ADCY2: variants seen among roughly 807,000 people sequenced by gnomAD.
The protein encoded by ADCY2 is adenylate cyclase type 2.
Under a neutral mutation model 125.2 loss-of-function variants are expected in ADCY2, and 31 were observed. The observed-to-expected ratio is 0.25, with a 90% CI of 0.19 to 0.33. The LOEUF (loss-of-function observed/expected upper bound fraction) is 0.33. Ranked by LOEUF, ADCY2 falls within the 10% of genes least tolerant of loss-of-function variation. The probability of loss-of-function intolerance (pLI) is 1.00; values close to 1 mark genes in which losing one functional copy is unlikely to be tolerated. For missense variants in ADCY2, 904 were observed against 1,418.2 expected (o/e 0.64, Z 5.82); for synonymous variants, 512 against 548.4 (o/e 0.93, Z 0.93).
intron 4 of ADCY2, among the ~76,000 whole-genome samples, chr5:7,653,834 G>A (rs1739187697): frequency 6.6e-6 from 1 of 152,028 alleles, no homozygotes; most frequent in Admixed American, 6.5e-5. Context: ...ATATTATTAT[G>A]TGGGTATTTC....
At chr5:7,535,628 C>T (rs1199713243) in intron 3 of ADCY2, among the ~76,000 whole-genome samples, 3 of 152,178 alleles carry the variant, frequency 2.0e-5, no homozygotes, top group Admixed American at 2.0e-4. Flanking sequence ...TTGTTTTCTT[C>T]AAGATGAGTC....
chr5:7,478,192 G>A (rs1161819563), intron 2 of ADCY2, among the ~76,000 whole-genome samples: 1 of 152,124 alleles, frequency 6.6e-6, no homozygotes, highest in Middle Eastern at 3.2e-3. Flanking sequence ...TTCCAGGTGA[G>A]CAGGGTTGTC....
chr5:7,499,744 A>T (rs1743496360), intron 2 of ADCY2, among the ~76,000 whole-genome samples: 1 of 147,972 alleles, frequency 6.8e-6, no homozygotes, highest in African/African-American at 2.5e-5. Context: ...CCACTAAAAA[A>T]TACAAAATAT....
intron 2 of ADCY2, among the ~76,000 whole-genome samples, chr5:7,519,963 C>T (rs73046352): frequency 0.018 from 2,702 of 152,272 alleles, 77 homozygotes; most frequent in African/African-American, 0.062. Flanking sequence ...TGAGGTTCCC[C>T]TGTATGGTAG....
At chr5:7,630,711 G>A (rs1738284253) in intron 4 of ADCY2, among the ~76,000 whole-genome samples, 1 of 151,598 alleles carries the variant, frequency 6.6e-6, no homozygotes, top group African/African-American at 2.4e-5. Flanking sequence ...TTGGCTCCTA[G>A]ATCCTAGACC....
intron 23 of ADCY2, among the ~76,000 whole-genome samples, chr5:7,817,937 C>G (rs1745170375): frequency 6.7e-6 from 1 of 149,062 alleles, no homozygotes; most frequent in Non-Finnish European, 1.5e-5. Flanking sequence ...TAGCATGTTT[C>G]ATGACTTGCC....
chr5:7,491,286 C>G (rs868276732), intron 2 of ADCY2, among the ~76,000 whole-genome samples: 21 of 151,508 alleles, frequency 1.4e-4, no homozygotes, highest in African/African-American at 3.4e-4. Flanking sequence ...CAGTCTTGCT[C>G]TGTTGCCCAG....
chr5:7,405,110 G>A (rs1303600914), intron 1 of ADCY2, among the ~76,000 whole-genome samples: 1 of 152,128 alleles, frequency 6.6e-6, no homozygotes, highest in African/African-American at 2.4e-5. Flanking sequence ...TCAGTCTAAG[G>A]GGATAGAACC....
intron 4 of ADCY2, among the ~76,000 whole-genome samples, chr5:7,645,679 A>C (rs1738871641): frequency 6.6e-6 from 1 of 152,188 alleles, no homozygotes; most frequent in South Asian, 2.1e-4. Context: ...TTATGTTGAA[A>C]AAAAATGAGG....
rs565503939 is a variant in ADCY2, at chr5:7,687,913, G to A, written c.721-2778G>A. 4.7e-4 allele frequency among the ~76,000 whole-genome samples: 71 copies of A among 152,280 alleles called. 3 individuals are homozygous for A. The South Asian group carries it at 0.014, about 31-fold the overall frequency. ...CTGCTAATGGAGAGTTATGTACACT[G>A]AGCACCTGTGGCTTGGTGCATTTCA... On this transcript the variant is annotated intron_variant, in intron 4 of 24. Transcript: ENST00000338316.
intron 3 of ADCY2, among the ~76,000 whole-genome samples, chr5:7,521,265 G>C (rs1475809956): frequency 2.6e-5 from 4 of 151,894 alleles, no homozygotes; most frequent in Admixed American, 2.6e-4. Flanking sequence ...TTCATAGTTT[G>C]TTCCCACCTT....
intron 22 of ADCY2, among the ~76,000 whole-genome samples, chr5:7,812,625 TG>T (rs1553991669): frequency 6.6e-6 from 1 of 152,176 alleles, no homozygotes; most frequent in Non-Finnish European, 1.5e-5. Flanking sequence ...GGTAGGGAGT[TG>T]GCTGGGTGCA....
Position 7,396,361 on chromosome 5 carries a change from G to A in ADCY2, c.65G>A (p.Gly22Asp). 6 of 1,550,962 alleles carry A rather than the reference G, an allele frequency of 3.9e-6. No homozygotes were observed. The highest frequency in any genetic ancestry group is 5.2e-6 in the Non-Finnish European group (6 of 1,150,016). ...GACCGCTCCGAGGAGGCGGCGGGCG[G>A]CGGAGACGGGCTGCCGCGGTCCCGG... ...LRDRSEEAAG[G>D]GDGLPRSRDW... The change falls in exon 1 of 25, where the codon GGC becomes GAC. Residue 22 changes from glycine to aspartate, a missense_variant. Gly to Asp is a moderately conservative substitution (Grantham distance 94). Coordinates refer to ENST00000338316, the MANE Select transcript of ADCY2 (RefSeq NM_020546.3). This position sits in a 1 kb window ranked among gnomAD's most constrained non-coding sequence, Gnocchi z 5.7.
At chr5:7,658,315 A>G (rs917819605) in intron 4 of ADCY2, 1 of 144,992 alleles carries the variant, frequency 6.9e-6, no homozygotes, top group African/African-American at 2.6e-5. Context: ...AGATTTGTCC[A>G]CTCTTGGGTT....
intron 14 of ADCY2, 65 bp from the exon 15 acceptor site, chr5:7,743,603 T>G (rs1742507870): frequency 3.4e-6 from 5 of 1,458,398 alleles, no homozygotes; most frequent in South Asian, 1.2e-5. Context: ...AAAGTATTAC[T>G]GGTAGCTTTC....
intron 4 of ADCY2, among the ~76,000 whole-genome samples, chr5:7,679,522 G>A (rs1740257332): frequency 1.3e-5 from 2 of 152,328 alleles, no homozygotes; most frequent in African/African-American, 4.8e-5. Context: ...CCAGTTAGGA[G>A]GTGATTCTCT....
intron 7 of ADCY2, among the ~76,000 whole-genome samples, chr5:7,705,271 C>T (rs998108920): frequency 6.6e-6 from 1 of 152,214 alleles, no homozygotes; most frequent in African/African-American, 2.4e-5. Context: ...GCCTTGAACC[C>T]TTTGAGAGGT....
chr5:7,812,762 A>T (rs1034212131), intron 22 of ADCY2, among the ~76,000 whole-genome samples: 1 of 152,140 alleles, frequency 6.6e-6, no homozygotes, highest in Non-Finnish European at 1.5e-5. Context: ...ACAAAAAATT[A>T]ACCAGGCTTG....
At chr5:7,483,727 C>G (rs377191753) in intron 2 of ADCY2, among the ~76,000 whole-genome samples, 4 of 152,096 alleles carry the variant, frequency 2.6e-5, no homozygotes, top group South Asian at 4.1e-4. Flanking sequence ...CTCAGGCACT[C>G]CCACTGGAAT....
Sources: gnomAD v4.1 joint callset for allele counts (sites outside exome capture counted in the v4.1 genomes callset) on GRCh38, gnomAD v4.1.1 for gene constraint, Gnocchi (gnomAD v3.1) non-coding constraint, MANE v1.5 for transcripts, NCBI Gene and HGNC (gene_info 2026-07-23, HGNC 2026-07-21) for gene names.